The following AGO3 variants were observed in gnomAD, a reference collection of about 807,000 sequenced individuals.
AGO3 encodes the protein argonaute RISC catalytic component 3, also known as protein argonaute-3.
In AGO3, 16 loss-of-function variants were observed where a neutral mutation model predicts 105.5. The observed-to-expected ratio is 0.15, with a 90% CI of 0.10 to 0.23. The LOEUF (loss-of-function observed/expected upper bound fraction) is 0.23. Among genes scored for constraint, AGO3 ranks in the 10% least tolerant of loss-of-function variants. The pLI is 1.00. For missense variants in AGO3, 534 were observed against 1,088.0 expected (o/e 0.49, Z 7.16); for synonymous variants, 340 against 367.3 (o/e 0.93, Z 0.85).
At chr1:35,980,336 T>G (rs1347956134) in intron 5 of AGO3, among the ~76,000 whole-genome samples, 1 of 152,246 alleles carries the variant, frequency 6.6e-6, no homozygotes, top group Non-Finnish European at 1.5e-5. Context: ...TTGAGCTTAT[T>G]CTACTTTTCA....
At chr1:36,012,795 A>C (rs981367923) in intron 9 of AGO3, among the ~76,000 whole-genome samples, 2 of 152,078 alleles carry the variant, frequency 1.3e-5, no homozygotes, top group African/African-American at 4.8e-5. Context: ...TGGGTAGTAC[A>C]TAGTGGTGCA....
At chr1:35,973,885 T>C (rs934541833) in intron 5 of AGO3, among the ~76,000 whole-genome samples, 3 of 152,338 alleles carry the variant, frequency 2.0e-5, no homozygotes, top group Middle Eastern at 6.8e-3. Context: ...TACCCACTGC[T>C]GGTCTTAATG....
chr1:35,932,617 A>G (rs1052575210), intron 1 of AGO3, among the ~76,000 whole-genome samples: 9 of 150,814 alleles, frequency 6.0e-5, no homozygotes, highest in Non-Finnish European at 1.2e-4. Flanking sequence ...AATTTAGACC[A>G]TATCTCTTTT....
chr1:36,019,535 G>A (rs75296089), intron 11 of AGO3, among the ~76,000 whole-genome samples: 2,324 of 152,250 alleles, frequency 0.015, 50 homozygotes, highest in African/African-American at 0.053. Context: ...CCTTTTAGCT[G>A]CTGTTATAGC....
intron 2 of AGO3, among the ~76,000 whole-genome samples, chr1:35,965,791 C>T (rs2148768816): frequency 6.6e-6 from 1 of 151,038 alleles, no homozygotes; most frequent in East Asian, 1.9e-4. Context: ...GTTCTTGCCC[C>T]CACTTAACTG....
rs1315914555 is a variant in AGO3, at chr1:36,018,085, ATT to A, written c.1406+4038_1406+4039del. Among the ~76,000 whole-genome samples, 6 of 151,468 alleles carry A rather than the reference ATT, an allele frequency of 4.0e-5. No homozygotes were observed. In the South Asian group the frequency reaches 8.4e-4, roughly 21 times the overall value. ...AGCCTCTGCCTCCCGGGATCAAACA[ATT>A]GTCCTGCCTCAGCCTCCCAAGTAGA... On this transcript the variant is annotated intron_variant, in intron 11 of 18. Coordinates refer to ENST00000373191, the MANE Select transcript of AGO3 (RefSeq NM_024852.4).
At chr1:35,987,780 G>C (rs1295774808) in intron 5 of AGO3, among the ~76,000 whole-genome samples, 1 of 149,270 alleles carries the variant, frequency 6.7e-6, no homozygotes, top group East Asian at 2.0e-4. Context: ...AAAAAAAAAA[G>C]ACCTATGGGC....
intron 5 of AGO3, among the ~76,000 whole-genome samples, chr1:35,974,849 C>T (rs957908088): frequency 3.0e-4 from 46 of 152,104 alleles, no homozygotes; most frequent in Admixed American, 2.7e-3. Flanking sequence ...TTCTTGCTTT[C>T]GGGCACAGCA....
At chr1:36,003,725 T>C (rs1354344117) in intron 5 of AGO3, among the ~76,000 whole-genome samples, 2 of 139,688 alleles carry the variant, frequency 1.4e-5, no homozygotes, top group South Asian at 4.5e-4. Flanking sequence ...TATATATATA[T>C]ATATATATAT....
At chr1:36,001,972 A>T (rs1158767913) in intron 5 of AGO3, among the ~76,000 whole-genome samples, 1 of 152,228 alleles carries the variant, frequency 6.6e-6, no homozygotes, top group Non-Finnish European at 1.5e-5. Context: ...GTACCAAAAA[A>T]TGAAGTTATA....
intron 12 of AGO3, among the ~76,000 whole-genome samples, chr1:36,033,469 C>T (rs1209913189): frequency 2.6e-5 from 4 of 151,230 alleles, no homozygotes; most frequent in Non-Finnish European, 5.9e-5. Flanking sequence ...GTGAGACCTC[C>T]CTCATCTCTA....
chr1:36,005,721 A>C (rs1640306569), intron 6 of AGO3: 1 of 985,252 alleles, frequency 1.0e-6, no homozygotes, highest in South Asian at 4.7e-5. Flanking sequence ...TATCACAGAA[A>C]ATACAAGATG....
intron 2 of AGO3, among the ~76,000 whole-genome samples, chr1:35,966,055 C>T (rs1163843640): frequency 1.3e-5 from 2 of 152,144 alleles, no homozygotes; most frequent in Non-Finnish European, 2.9e-5. Flanking sequence ...AAACTCCCGA[C>T]CTCAGGTGAT....
Position 36,039,797 on chromosome 1 carries a change from G to T in AGO3, c.1850G>T (p.Gly617Val). 2 of 1,539,718 alleles carry T rather than the reference G, an allele frequency of 1.3e-6. No homozygotes were observed. Among genetic ancestry groups the T allele is most frequent in the Non-Finnish European group, 1.8e-6 (2 of 1,142,500 alleles). ...TTACTTTTTCTAACCTAGGTTGTAG[G>T]TAGTATGGATGCACACCCAAGCAGA... ...GKKPSIAAVV[G>V]SMDAHPSRYC... The change falls in exon 15 of 19, where the codon GGT becomes GTT. Residue 617 changes from glycine to valine, a missense_variant. Physicochemically the swap from Gly to Val is moderately radical, Grantham distance 109 (BLOSUM62 -3). This residue lies in a region of AGO3 where 373 missense variants were observed against 854.0 expected (regional missense o/e 0.44). Coordinates refer to ENST00000373191, the MANE Select transcript of AGO3 (RefSeq NM_024852.4).
At chr1:35,966,608 A>C (rs1348268756) in intron 2 of AGO3, among the ~76,000 whole-genome samples, 1 of 152,202 alleles carries the variant, frequency 6.6e-6, no homozygotes, top group Non-Finnish European at 1.5e-5. Flanking sequence ...GGTACAGAGG[A>C]AAGATTACTC....
intron 2 of AGO3, among the ~76,000 whole-genome samples, chr1:35,954,919 T>C (rs2148758676): frequency 6.6e-6 from 1 of 152,356 alleles, no homozygotes; most frequent in East Asian, 1.9e-4. Context: ...TGAAAAGTTA[T>C]GCAGCACCTG....
At chr1:35,949,536 T>G (rs1392803487) in intron 2 of AGO3, among the ~76,000 whole-genome samples, 1 of 152,212 alleles carries the variant, frequency 6.6e-6, no homozygotes, top group Non-Finnish European at 1.5e-5. Context: ...CTTTTCAATA[T>G]TAGCAAAACA....
chr1:35,936,467 A>G (rs966116136), intron 1 of AGO3, among the ~76,000 whole-genome samples: 6 of 152,112 alleles, frequency 3.9e-5, no homozygotes, highest in African/African-American at 1.4e-4. Flanking sequence ...CGCCCAGGCT[A>G]GAGTGCAATG....
chr1:36,050,733 A>T (rs1642679947), intron 17 of AGO3, among the ~76,000 whole-genome samples: 1 of 150,360 alleles, frequency 6.7e-6, no homozygotes, highest in African/African-American at 2.5e-5. Flanking sequence ...CAGAGATTGC[A>T]GAGCCGAGAT....
Sources: allele counts gnomAD v4.1 joint callset (sites outside exome capture counted in the v4.1 genomes callset), GRCh38; gene constraint gnomAD v4.1.1; regional missense constraint gnomAD v4.1.1; transcripts MANE v1.5; gene names NCBI Gene and HGNC (gene_info 2026-07-23, HGNC 2026-07-21).